CASKIN2: variants seen among roughly 807,000 people sequenced by gnomAD.
The protein encoded by CASKIN2 is CASK interacting protein 2, also known as caskin-2.
A neutral mutation model predicts 107.1 loss-of-function variants in CASKIN2; 41 were observed. The ratio of observed to expected loss-of-function variants is 0.38; its 90% CI spans 0.30 to 0.50. The LOEUF is 0.50. CASKIN2 is among the 20% of genes least tolerant of loss of function. The probability of loss-of-function intolerance (pLI) is 0.92; values close to 1 mark genes in which losing one functional copy is unlikely to be tolerated. For synonymous variants in CASKIN2, 724 were observed against 705.6 expected, an observed-to-expected ratio of 1.03 and a Z score of -0.41; for missense variants, 1,546 against 1,657.4, an observed-to-expected ratio of 0.93 and a Z score of 1.17.
At chr17:75,507,881 G>T in intron 3 of CASKIN2, 200 bp from the exon 4 acceptor site, 2 of 583,132 alleles carry the variant, frequency 3.4e-6, no homozygotes, top group Non-Finnish European at 6.1e-6. Context: ...AGGCCCGTTT[G>T]TCTCGCCCCC....
At chr17:75,514,316 CCA>C (rs2053338424) in intron 1 of CASKIN2, 108 bp from the exon 2 acceptor site, 1 of 399,828 alleles carries the variant, frequency 2.5e-6, no homozygotes, top group African/African-American at 2.1e-5. Context: ...AGCCCCCAAG[CCA>C]CCCTGGCTCC....
At position 75,505,648 on chromosome 17, in the gene CASKIN2, G is replaced by T. The variant is rs1454317488; in HGVS notation, c.839C>A (p.Ala280Asp). 7 of 1,612,706 alleles carry T rather than the reference G, an allele frequency of 4.3e-6. No individual in the cohort carries two copies. Among genetic ancestry groups the T allele is most frequent in the Non-Finnish European group, 4.2e-6 (5 of 1,179,768 alleles). The stretch of plus-strand genomic sequence containing the variant: ...CGCTCGGACCTTCAGGATCCCTGAG[G>T]CCTCTAAGAAAACGGGGTGGGGGAC... ...SREIKQLLREASGILKVRALK... is the reference protein window; with the variant it reads ...SREIKQLLREDSGILKVRALK... Residue 280 changes from alanine to aspartate, a missense_variant, in exon 10 of 20, where the codon GCC becomes GAC. Physicochemically the swap from Ala to Asp is moderately radical, Grantham distance 126. Coordinates refer to ENST00000321617, the MANE Select transcript of CASKIN2 (RefSeq NM_020753.5). The surrounding 1 kb of genome is among the most constrained non-coding windows in gnomAD (Gnocchi z 5.1).
rs368886818 is a variant in CASKIN2, at chr17:75,502,221, C to T, written c.2853G>A (p.Pro951=). Residue 951 remains proline, a synonymous_variant, in exon 18 of 20, where the codon CCG becomes CCA. Transcript: ENST00000321617. This position sits in a 1 kb window ranked among gnomAD's most constrained non-coding sequence, Gnocchi z 4.3. ...TGGTCAGGTTCCCTTCCTCTGCAAA[C>T]GGCAGCCCTTCCCCAGAGCTGCCCC... The part of the protein sequence containing the change: ...PSRGSSGEGL[P]FAEEGNLTIK... The T allele has an allele frequency of 1.4e-3, 2,284 of 1,588,190 alleles. 49 individuals carry two copies. In the South Asian group the frequency reaches 0.024, roughly 16 times the overall value.
chr17:75,514,353 G>GC (rs1027340354), intron 1 of CASKIN2, 145 bp from the exon 2 acceptor site: 3 of 396,060 alleles, frequency 7.6e-6, no homozygotes, highest in African/African-American at 6.2e-5. Context: ...GTGATGCTGA[G>GC]CCACTGAAAG....
chr17:75,502,043 C>T lies in CASKIN2; in HGVS notation c.3031G>A (p.Val1011Met), dbSNP rs760947385. Residue 1011 changes from valine to methionine, a missense_variant, in exon 18 of 20, where the codon GTG becomes ATG. Val to Met is a conservative substitution (Grantham distance 21). Around this residue, in one of 6 missense-constraint regions of CASKIN2, gnomAD observed 1,311 missense variants for 1,311.0 expected, o/e 1.00. Coordinates refer to ENST00000321617, the MANE Select transcript of CASKIN2 (RefSeq NM_020753.5). The surrounding 1 kb of genome is among the most constrained non-coding windows in gnomAD (Gnocchi z 4.3). ...PLQTALLAFG[V>M]ASATPGPAAP... ...GCGGGGCCAGGCGTGGCACTGGCCA[C>T]TCCGAAGGCCAGCAGTGCGGTCTGC... 6.2e-7 allele frequency: 1 copy of T among 1,612,604 alleles called. No individual in the cohort carries two copies. The highest frequency in any genetic ancestry group is 8.5e-7 in the Non-Finnish European group (1 of 1,179,876).
At chr17:75,501,294 C>T in intron 19 of CASKIN2, 124 bp from the exon 20 acceptor site, 1 of 1,192,848 alleles carries the variant, frequency 8.4e-7, no homozygotes, top group Admixed American at 2.5e-5. Context: ...GCTCCTGTGC[C>T]TCTTAAATGG....
At position 75,503,022 on chromosome 17, in the gene CASKIN2, G is replaced by T; in HGVS notation, c.2052C>A (p.Gly684=). The T allele has an allele frequency of 6.2e-7, 1 of 1,602,444 alleles. No homozygotes were observed. Residue 684 remains glycine, a synonymous_variant, in exon 18 of 20, where the codon GGC becomes GGA. Transcript: ENST00000321617. The stretch of plus-strand genomic sequence containing the variant: ...CAGGTGGGAGGGGGAGTGGTTCAGG[G>T]CCACCCCCTGCCATGGCCGCCTGTA... The part of the protein sequence containing the change: ...PELQAAMAGG[G]PEPLPLPPAR...
chr17:75,502,175 C>G lies in CASKIN2; in HGVS notation c.2899G>C (p.Ala967Pro). ...GGTGTCTCTCGGGGCGGGGGGCCAGCGGGCTTCGGGCGCTGTTTGATGGTC... is the reference window on the plus strand; with the variant it reads ...GGTGTCTCTCGGGGCGGGGGGCCAGGGGGCTTCGGGCGCTGTTTGATGGTC... ...NLTIKQRPKP[A>P]GPPPRETPVP... is the part of the protein sequence containing the mutation. Residue 967 changes from alanine to proline, a missense_variant, in exon 18 of 20, where the codon GCT (alanine) becomes CCT (proline). Ala to Pro is a conservative substitution (Grantham distance 27). Around this residue, in one of 6 missense-constraint regions of CASKIN2, gnomAD observed 1,311 missense variants for 1,311.0 expected, o/e 1.00. Transcript: ENST00000321617. The surrounding 1 kb of genome is among the most constrained non-coding windows in gnomAD (Gnocchi z 4.3). The G allele has an allele frequency of 6.3e-7, 1 of 1,598,360 alleles. No individual in the cohort carries two copies. The highest frequency in any genetic ancestry group is 8.5e-7 in the Non-Finnish European group (1 of 1,178,658).
rs538472629 is a variant in CASKIN2, at chr17:75,508,194, C to G, written c.146+40G>C. Reference sequence around the variant, plus strand: ...CCCACCCCTGGGGCTCTACTGCCCCCACCCAGCAGCTCTGCAGAGGGACAG... The same window carrying G: ...CCCACCCCTGGGGCTCTACTGCCCCGACCCAGCAGCTCTGCAGAGGGACAG... On this transcript the variant is annotated intron_variant, in intron 3 of 19. Transcript: ENST00000321617. 126 of 1,609,892 alleles carry G rather than the reference C, an allele frequency of 7.8e-5. 1 individual carries two copies. The South Asian group carries it at 1.3e-3, about 16-fold the overall frequency.
At position 75,506,818 on chromosome 17, in the gene CASKIN2, C is replaced by T. The variant is rs2053270603; in HGVS notation, c.467G>A (p.Cys156Tyr). 6.2e-7 allele frequency: 1 copy of T among 1,613,682 alleles called. No individual in the cohort carries two copies. The highest frequency in any genetic ancestry group is 1.3e-5 in the African/African-American group (1 of 74,932). The change falls in exon 6 of 20, where the codon TGT becomes TAT. Residue 156 changes from cysteine to tyrosine, a missense_variant. By Grantham distance (194) the Cys-to-Tyr change is radical. Around this residue, in one of 6 missense-constraint regions of CASKIN2, gnomAD observed 3 missense variants for 20.8 expected, o/e 0.14. Coordinates refer to ENST00000321617, the MANE Select transcript of CASKIN2 (RefSeq NM_020753.5). The surrounding 1 kb of genome is among the most constrained non-coding windows in gnomAD (Gnocchi z 4.8). Reference protein sequence around the residue: ...KAKKTPLDLACEFGRLKVAQL... With the variant: ...KAKKTPLDLAYEFGRLKVAQL... ...CCTCACCTTGAGTCGGCCAAATTCA[C>T]AGGCCAGGTCCAGGGGCGTCTTCTT...
chr17:75,506,723 C>G lies in CASKIN2; in HGVS notation c.487-10G>C. Reference sequence around the variant, plus strand: ...GAAGCAGCTGGGCCACCTGCAGCACCCAGTGCCCAGTTAGAGCCTCCTCCT... The same window carrying G: ...GAAGCAGCTGGGCCACCTGCAGCACGCAGTGCCCAGTTAGAGCCTCCTCCT... On this transcript the variant is annotated splice_polypyrimidine_tract_variant and intron_variant, in intron 6 of 19. Coordinates refer to ENST00000321617, the MANE Select transcript of CASKIN2 (RefSeq NM_020753.5). The surrounding 1 kb of genome is among the most constrained non-coding windows in gnomAD (Gnocchi z 4.8). 1 of 1,613,574 alleles carries G rather than the reference C, an allele frequency of 6.2e-7. No homozygotes were observed. The highest frequency in any genetic ancestry group is 8.5e-7 in the Non-Finnish European group (1 of 1,179,970).
intron 19 of CASKIN2, 40 bp downstream of exon 19, chr17:75,501,428 C>G: frequency 6.3e-7 from 1 of 1,574,858 alleles, no homozygotes; most frequent in Non-Finnish European, 8.7e-7. Context: ...AGCACTGTTT[C>G]TCTGCAGCCT....
chr17:75,508,384 C>T, intron 2 of CASKIN2, 99 bp from the exon 3 acceptor site: 1 of 1,333,424 alleles, frequency 7.5e-7, no homozygotes, highest in South Asian at 1.3e-5. Flanking sequence ...TCTTGGCGTG[C>T]AGGAAAGCAC....
chr17:75,501,254 A>T, intron 19 of CASKIN2, 84 bp from the exon 20 acceptor site: 2 of 1,336,646 alleles, frequency 1.5e-6, no homozygotes, highest in Non-Finnish European at 1.0e-6. Context: ...CATAGCTCCC[A>T]GAGGCTCAGG....
intron 1 of CASKIN2, among the ~76,000 whole-genome samples, chr17:75,514,662 T>C (rs2053341639): frequency 6.6e-6 from 1 of 152,170 alleles, no homozygotes; most frequent in African/African-American, 2.4e-5. Flanking sequence ...GATTCCTCCC[T>C]ACGGAGGCTT....
Position 75,506,075 on chromosome 17 carries a change from A to C in CASKIN2, c.727-146T>G. 1.3e-6 allele frequency: 1 copy of C among 786,570 alleles called. No homozygotes were observed. Among genetic ancestry groups the C allele is most frequent in the Non-Finnish European group, 2.0e-6 (1 of 492,618 alleles). The allele number at this position is 786,570 out of a possible 1,614,324, so 48.7% of individuals were successfully genotyped here. A position where few individuals can be genotyped will look rare whatever the true frequency, so the allele number is the denominator to read the frequency against. ...AGGCTCAGGGACTCAGTCAAGGACAAGCTCAAGTTCACTCAGCTAGTAAGA... is the reference window on the plus strand; with the variant it reads ...AGGCTCAGGGACTCAGTCAAGGACACGCTCAAGTTCACTCAGCTAGTAAGA... On this transcript the variant is annotated intron_variant, in intron 8 of 19. Transcript: ENST00000321617. The surrounding 1 kb of genome is among the most constrained non-coding windows in gnomAD (Gnocchi z 4.8).
chr17:75,506,943 A>ACC lies in CASKIN2; in HGVS notation c.390+39_390+40dup. ...GGGGGCCTGGCCTGTCCGGCACCCC[A>ACC]CCCTGCCCTGCGCCACGCCCCTGTG... On this transcript the variant is annotated intron_variant, in intron 5 of 19. Coordinates refer to ENST00000321617, the MANE Select transcript of CASKIN2 (RefSeq NM_020753.5). The surrounding 1 kb of genome is among the most constrained non-coding windows in gnomAD (Gnocchi z 4.8). 6.2e-7 allele frequency: 1 copy of ACC among 1,612,062 alleles called. No homozygotes were observed. Among genetic ancestry groups the ACC allele is most frequent in the Non-Finnish European group, 8.5e-7 (1 of 1,179,046 alleles).
rs139626946 is a variant in CASKIN2 at position 75,506,683 on chromosome 17, A to G, written c.517T>C (p.Cys173Arg). The G allele has an allele frequency of 1.6e-4, 263 of 1,613,424 alleles. No homozygotes were observed. Among genetic ancestry groups the G allele is most frequent in the Non-Finnish European group, 2.1e-4 (252 of 1,179,978 alleles). Reference protein sequence around the residue: ...VAQLLLNSHLCVALLEGEAKD... With the variant: ...VAQLLLNSHLRVALLEGEAKD... ...GCCTCACCCTCCAGCAGTGCCACAC[A>G]TAAGTGGCTGTTCAGAAGCAGCTGG... is the stretch of plus-strand genomic sequence containing the variant. Residue 173 changes from cysteine to arginine, a missense_variant, in exon 7 of 20, where the codon TGT becomes CGT. Transcript: ENST00000321617. The surrounding 1 kb of genome is among the most constrained non-coding windows in gnomAD (Gnocchi z 4.8).
intron 2 of CASKIN2, 89 bp from the exon 3 acceptor site, chr17:75,508,374 T>A (rs148390956): frequency 1.4e-6 from 2 of 1,441,254 alleles, no homozygotes; most frequent in Non-Finnish European, 1.9e-6. Context: ...CCGGCTGACC[T>A]CTTGGCGTGC....
Sources: allele counts gnomAD v4.1 joint callset (sites outside exome capture counted in the v4.1 genomes callset), GRCh38; gene constraint gnomAD v4.1.1; regional missense constraint gnomAD v4.1.1; non-coding constraint Gnocchi (gnomAD v3.1); transcripts MANE v1.5; gene names NCBI Gene and HGNC (gene_info 2026-07-23, HGNC 2026-07-21).